The following VMP1 variants were observed in gnomAD, a reference collection of about 807,000 sequenced individuals.
VMP1 encodes ectopic P-granules autophagy protein 3 homolog.
VMP1 carries 11 observed loss-of-function variants against 56.0 expected under a neutral mutation model. That is an observed-to-expected ratio of 0.20 (90% CI 0.12 to 0.32). The LOEUF (loss-of-function observed/expected upper bound fraction) is 0.32, where lower values mean the gene tolerates loss of function less well. Ranked by LOEUF, VMP1 falls within the 10% of genes least tolerant of loss-of-function variation. VMP1 has a pLI of 1.00. For synonymous variants in VMP1, 149 were observed against 165.0 expected (o/e 0.90, Z 0.74); for missense variants, 296 against 490.3 (o/e 0.60, Z 3.74).
rs940010019 is a variant in VMP1, at chr17:59,826,473, C to T, written c.974+8700C>T. ...TAATTGTTTTGTAAATATTTGTTGACCAGATGAATTAATTCATTCATTAAA... is the reference window on the plus strand; with the variant it reads ...TAATTGTTTTGTAAATATTTGTTGATCAGATGAATTAATTCATTCATTAAA... On this transcript the variant is annotated intron_variant, in intron 10 of 11. Coordinates refer to ENST00000262291, the MANE Select transcript of VMP1 (RefSeq NM_030938.5). 2.1e-4 allele frequency among the ~76,000 whole-genome samples: 32 copies of T among 152,100 alleles called. No individual in the cohort carries two copies. In the East Asian group the frequency reaches 6.0e-3, roughly 28 times the overall value.
chr17:59,745,903 GA>G (rs1369919680), intron 5 of VMP1, among the ~76,000 whole-genome samples: 9 of 152,194 alleles, frequency 5.9e-5, no homozygotes, highest in African/African-American at 2.2e-4. Context: ...CTCTTTACTG[GA>G]AATCGTAGCT....
At chr17:59,774,026 A>G (rs111785299) in intron 7 of VMP1, 141 bp downstream of exon 7, 1 of 909,954 alleles carries the variant, frequency 1.1e-6, no homozygotes. Context: ...TGCTTGAGAT[A>G]GAATATTTAG....
chr17:59,832,761 A>ATTTTTTTTTTTTT (rs71145580), intron 10 of VMP1, among the ~76,000 whole-genome samples: 63 of 101,284 alleles, frequency 6.2e-4, no homozygotes, highest in Non-Finnish European at 7.9e-4. Context: ...GCCTGGCAAT[A>ATTTTTTTTTTTTT]TTTTTTTTTT....
chr17:59,710,005 G>A (rs1399423910), intron 1 of VMP1, among the ~76,000 whole-genome samples: 1 of 152,034 alleles, frequency 6.6e-6, no homozygotes, highest in Non-Finnish European at 1.5e-5. Context: ...AGACAATCCT[G>A]GCTAATACAG....
intron 8 of VMP1, among the ~76,000 whole-genome samples, chr17:59,809,763 C>A (rs957757620): frequency 3.3e-5 from 5 of 151,950 alleles, no homozygotes. Context: ...GCCTCGGCCT[C>A]CCAAAGTACT....
intron 1 of VMP1, 61 bp from the exon 2 acceptor site, chr17:59,731,360 C>A: frequency 1.0e-6 from 1 of 966,814 alleles, no homozygotes; most frequent in Non-Finnish European, 1.5e-6. Context: ...CAGTTTTATT[C>A]AGTCACAGCT....
intron 1 of VMP1, among the ~76,000 whole-genome samples, chr17:59,719,872 G>A (rs2034326814): frequency 6.6e-6 from 1 of 152,144 alleles, no homozygotes; most frequent in South Asian, 2.1e-4. Flanking sequence ...TGTTAACTCT[G>A]TTTTAAATGC....
At chr17:59,753,468 A>T (rs984305420) in intron 5 of VMP1, among the ~76,000 whole-genome samples, 2 of 152,208 alleles carry the variant, frequency 1.3e-5, no homozygotes, top group Non-Finnish European at 2.9e-5. Context: ...ATGCATGTAC[A>T]TTATGATTCA....
At chr17:59,798,629 G>A (rs2037530424) in intron 7 of VMP1, among the ~76,000 whole-genome samples, 1 of 152,250 alleles carries the variant, frequency 6.6e-6, no homozygotes, top group Non-Finnish European at 1.5e-5. Flanking sequence ...GCTCACGCCT[G>A]TAATCCCAGC....
At chr17:59,808,373 G>A (rs1328533408) in intron 7 of VMP1, among the ~76,000 whole-genome samples, 1 of 152,190 alleles carries the variant, frequency 6.6e-6, no homozygotes, top group Non-Finnish European at 1.5e-5. Context: ...CTTACTTATT[G>A]CCACATAACT....
intron 2 of VMP1, among the ~76,000 whole-genome samples, chr17:59,732,542 C>T (rs1397738997): frequency 1.6e-5 from 2 of 121,768 alleles, no homozygotes; most frequent in Non-Finnish European, 4.1e-5. Flanking sequence ...CGCGCCCGGC[C>T]TCATTTGTTT....
At chr17:59,793,918 T>A (rs1598403215) in intron 7 of VMP1, among the ~76,000 whole-genome samples, 1 of 129,048 alleles carries the variant, frequency 7.7e-6, no homozygotes, top group Non-Finnish European at 1.7e-5. Context: ...AGCCACCGCA[T>A]TTGCCCTTTT....
chr17:59,802,084 C>T (rs2037690326), intron 7 of VMP1, among the ~76,000 whole-genome samples: 1 of 151,722 alleles, frequency 6.6e-6, no homozygotes, highest in African/African-American at 2.4e-5. Flanking sequence ...ACCTGTAGTC[C>T]TAGGTACTCT....
chr17:59,833,254 T>C (rs2038875653), intron 10 of VMP1, among the ~76,000 whole-genome samples: 1 of 152,124 alleles, frequency 6.6e-6, no homozygotes, highest in South Asian at 2.1e-4. Context: ...GAGCTGTAAT[T>C]TCTATTTTTA....
chr17:59,760,959 G>C lies in VMP1; in HGVS notation c.415-4012G>C, dbSNP rs1030258247. Among the ~76,000 whole-genome samples, 7 of 151,662 alleles carry C rather than the reference G, an allele frequency of 4.6e-5. 1 individual carries two copies. In the South Asian group the frequency reaches 1.5e-3, roughly 31 times the overall value. The stretch of plus-strand genomic sequence containing the variant: ...CTTTTCTTTTTTGTGCTGGCATGCA[G>C]TGTTGAGATCTCAGCTCACCGCACC... On this transcript the variant is annotated intron_variant, in intron 5 of 11. Coordinates refer to ENST00000262291, the MANE Select transcript of VMP1 (RefSeq NM_030938.5).
At chr17:59,784,310 G>C (rs1337581872) in intron 7 of VMP1, among the ~76,000 whole-genome samples, 1 of 151,994 alleles carries the variant, frequency 6.6e-6, no homozygotes, top group Non-Finnish European at 1.5e-5. Context: ...ACTTTGCCTA[G>C]TGTGTCATTT....
intron 1 of VMP1, among the ~76,000 whole-genome samples, chr17:59,715,351 C>T (rs1229044979): frequency 4.6e-5 from 7 of 152,144 alleles, no homozygotes; most frequent in Non-Finnish European, 4.4e-5. Flanking sequence ...AGGAAACTTA[C>T]AATCATGGTG....
chr17:59,777,823 C>T (rs1367522055), intron 7 of VMP1, among the ~76,000 whole-genome samples: 1 of 144,260 alleles, frequency 6.9e-6, no homozygotes, highest in Admixed American at 6.8e-5. Flanking sequence ...CAAAACAAAA[C>T]AAAACAAAAC....
intron 7 of VMP1, among the ~76,000 whole-genome samples, chr17:59,786,622 C>A (rs1439832217): frequency 2.0e-5 from 3 of 152,218 alleles, no homozygotes; most frequent in Admixed American, 6.5e-5. Context: ...CACATGACTT[C>A]TCTGAAAATT....
Sources: allele counts gnomAD v4.1 joint callset (sites outside exome capture counted in the v4.1 genomes callset), GRCh38; gene constraint gnomAD v4.1.1; transcripts MANE v1.5; gene names NCBI Gene and HGNC (gene_info 2026-07-23, HGNC 2026-07-21).